The following DLGAP2 variants were observed in gnomAD, a reference collection of about 807,000 sequenced individuals.
DLGAP2 encodes the protein DLG associated protein 2.
Under a neutral mutation model 100.3 loss-of-function variants are expected in DLGAP2, and 26 were observed. The observed-to-expected ratio is 0.26, with a 90% CI of 0.19 to 0.36. The LOEUF (loss-of-function observed/expected upper bound fraction) is 0.36, where lower values mean the gene tolerates loss of function less well. Ranked by LOEUF, DLGAP2 falls within the 10% of genes least tolerant of loss-of-function variation. The pLI, the probability that DLGAP2 is intolerant of heterozygous loss-of-function variation, is 1.00. For missense variants in DLGAP2, 1,858 were observed against 1,453.2 expected, an observed-to-expected ratio of 1.28 and a Z score of -4.53; for synonymous variants, 886 against 630.1, an observed-to-expected ratio of 1.41 and a Z score of -6.08.
intron 2 of DLGAP2, among the ~76,000 whole-genome samples, chr8:982,200 A>G (rs1348706618): frequency 6.6e-6 from 1 of 152,196 alleles, no homozygotes; most frequent in Non-Finnish European, 1.5e-5. Flanking sequence ...TTCTTCATCT[A>G]CGGAGCAGAG....
At chr8:1,186,601 G>A (rs1797510414) in intron 2 of DLGAP2, among the ~76,000 whole-genome samples, 1 of 152,146 alleles carries the variant, frequency 6.6e-6, no homozygotes, top group African/African-American at 2.4e-5. Flanking sequence ...GGTGGGGGGT[G>A]CGGTGTCTTC....
intron 3 of DLGAP2, among the ~76,000 whole-genome samples, chr8:1,336,651 A>G (rs1187294747): frequency 6.6e-6 from 1 of 152,190 alleles, no homozygotes; most frequent in Non-Finnish European, 1.5e-5. Context: ...CATCTGGAAC[A>G]GGCTGGGGCC....
chr8:1,139,611 G>C (rs540960221), intron 2 of DLGAP2, among the ~76,000 whole-genome samples: 118 of 152,282 alleles, frequency 7.7e-4, no homozygotes, highest in Non-Finnish European at 1.5e-3. Flanking sequence ...CATTCAGTCC[G>C]TGGCAAGTAG....
chr8:1,176,710 C>T (rs13261371), intron 2 of DLGAP2, among the ~76,000 whole-genome samples: 2 of 151,860 alleles, frequency 1.3e-5, no homozygotes, highest in Non-Finnish European at 2.9e-5. Context: ...GTCTGCCATG[C>T]TGCCTGTTGT....
chr8:1,130,067 C>G (rs1796254944), intron 2 of DLGAP2, among the ~76,000 whole-genome samples: 1 of 151,636 alleles, frequency 6.6e-6, no homozygotes, highest in Admixed American at 6.6e-5. Context: ...TCGGGCACTT[C>G]ACGTGGGTTA....
chr8:1,575,234 C>T (rs996311870), intron 6 of DLGAP2, among the ~76,000 whole-genome samples: 5 of 151,946 alleles, frequency 3.3e-5, no homozygotes, highest in African/African-American at 7.3e-5. Context: ...CTGTGGCAAA[C>T]GTGGGAAGGC....
intron 3 of DLGAP2, among the ~76,000 whole-genome samples, chr8:1,303,795 C>G (rs1431555151): frequency 6.6e-6 from 1 of 152,098 alleles, no homozygotes; most frequent in Non-Finnish European, 1.5e-5. Context: ...ATCCGGTGCT[C>G]GTCCAGCCCT....
intron 2 of DLGAP2, among the ~76,000 whole-genome samples, chr8:1,128,200 C>T (rs752406949): frequency 1.3e-5 from 2 of 151,688 alleles, no homozygotes; most frequent in African/African-American, 2.4e-5. Flanking sequence ...GTGTTGTGTT[C>T]GGTGAGGACC....
At chr8:759,608 G>A (rs139006112) in intron 1 of DLGAP2, among the ~76,000 whole-genome samples, 147 of 152,018 alleles carry the variant, frequency 9.7e-4, no homozygotes, top group Non-Finnish European at 1.8e-3. Context: ...TGGGCTGCAC[G>A]TTCCCGGGAC....
intron 2 of DLGAP2, among the ~76,000 whole-genome samples, chr8:1,089,069 C>G (rs1456985410): frequency 7.0e-6 from 1 of 143,150 alleles, no homozygotes; most frequent in African/African-American, 2.7e-5. Flanking sequence ...GCCTCACTCT[C>G]TCCACCCCTC....
chr8:1,285,256 T>A (rs538476833), intron 3 of DLGAP2, among the ~76,000 whole-genome samples: 2 of 152,336 alleles, frequency 1.3e-5, no homozygotes, highest in East Asian at 3.9e-4. Flanking sequence ...GTCACACATC[T>A]CAATATCTAC....
chr8:1,248,788 G>A (rs1423315794), intron 2 of DLGAP2: 2 of 152,736 alleles, frequency 1.3e-5, no homozygotes, highest in Admixed American at 6.5e-5. Context: ...GAATCGAAGA[G>A]GCTTCTGGGT....
intron 8 of DLGAP2, 121 bp downstream of exon 8, chr8:1,633,167 C>T (rs1797692767): frequency 4.4e-6 from 4 of 902,850 alleles, no homozygotes; most frequent in South Asian, 3.5e-5. Context: ...CATCTAGTAA[C>T]GTTTCCTAAT....
At chr8:1,283,547 C>T (rs1409272697) in intron 3 of DLGAP2, among the ~76,000 whole-genome samples, 1 of 152,242 alleles carries the variant, frequency 6.6e-6, no homozygotes, top group Non-Finnish European at 1.5e-5. Flanking sequence ...CCTTGGCACT[C>T]GGCTTTGCTT....
chr8:1,701,787 A>G lies in DLGAP2; in HGVS notation c.*381A>G, dbSNP rs756612231. Reference sequence around the variant, plus strand: ...AATTGTGTGATAATTAGAGGTAAGAATAACAAGTAACTATAAACGGGTGCA... The same window carrying G: ...AATTGTGTGATAATTAGAGGTAAGAGTAACAAGTAACTATAAACGGGTGCA... On this transcript the variant is annotated 3_prime_UTR_variant, in exon 15 of 15. Coordinates refer to ENST00000637795, the MANE Select transcript of DLGAP2 (RefSeq NM_001346810.2). 33 of 235,634 alleles carry G rather than the reference A, an allele frequency of 1.4e-4. No individual in the cohort carries two copies. Among genetic ancestry groups the G allele is most frequent in the Non-Finnish European group, 2.0e-4 (25 of 122,792 alleles). The allele number at this position is 235,634 out of a possible 1,614,324, so 14.6% of individuals were successfully genotyped here. A position where few individuals can be genotyped will look rare whatever the true frequency, so the allele number is the denominator to read the frequency against.
At chr8:1,291,456 A>G (rs553683230) in intron 3 of DLGAP2, among the ~76,000 whole-genome samples, 1 of 152,292 alleles carries the variant, frequency 6.6e-6, no homozygotes, top group African/African-American at 2.4e-5. Flanking sequence ...ATGGCGAGGC[A>G]AGAATGAAAG....
chr8:1,626,016 A>G (rs80114604), intron 6 of DLGAP2, among the ~76,000 whole-genome samples: 7,701 of 83,504 alleles, frequency 0.092, 306 homozygotes, highest in Middle Eastern at 0.22. Context: ...TCCCATCTCT[A>G]CCCTGTGGCG....
At chr8:1,590,885 G>C (rs565750803) in intron 6 of DLGAP2, among the ~76,000 whole-genome samples, 1 of 152,284 alleles carries the variant, frequency 6.6e-6, no homozygotes, top group Non-Finnish European at 1.5e-5. Flanking sequence ...CATTACCAGG[G>C]ACTGGTGGAT....
intron 5 of DLGAP2, among the ~76,000 whole-genome samples, chr8:1,550,184 G>A (rs1028106610): frequency 1.3e-5 from 2 of 152,218 alleles, no homozygotes; most frequent in Admixed American, 6.5e-5. Flanking sequence ...GTGTTGTGGA[G>A]AATGGCAGAT....
Sources: allele counts gnomAD v4.1 joint callset (sites outside exome capture counted in the v4.1 genomes callset), GRCh38; gene constraint gnomAD v4.1.1; transcripts MANE v1.5; gene names NCBI Gene and HGNC (gene_info 2026-07-23, HGNC 2026-07-21).